The following RIMS2 variants were observed in gnomAD, a reference collection of about 807,000 sequenced individuals.
RIMS2 encodes regulating synaptic membrane exocytosis 2.
RIMS2 carries 59 observed loss-of-function variants against 174.4 expected under a neutral mutation model. The ratio of observed to expected loss-of-function variants is 0.34; its 90% CI spans 0.27 to 0.42. RIMS2 has a LOEUF of 0.42. RIMS2 is among the 10% of genes least tolerant of loss of function. RIMS2 has a pLI of 1.00. For missense variants in RIMS2, 1,620 were observed against 1,666.3 expected (o/e 0.97, Z 0.48); for synonymous variants, 606 against 572.5 (o/e 1.06, Z -0.84).
At chr8:104,232,565 C>T (rs1424947038) in intron 19 of RIMS2, among the ~76,000 whole-genome samples, 1 of 152,096 alleles carries the variant, frequency 6.6e-6, no homozygotes, top group Admixed American at 6.5e-5. Context: ...GAGTGATGCC[C>T]AAAACCATAC....
chr8:103,501,726 A>G (rs1321385806), intron 1 of RIMS2: 1 of 152,358 alleles, frequency 6.6e-6, no homozygotes, highest in African/African-American at 2.4e-5. Context: ...CCTGTTTGCA[A>G]CTAGTAAATC....
At chr8:103,974,134 T>G (rs1172440529) in intron 15 of RIMS2, among the ~76,000 whole-genome samples, 3 of 152,222 alleles carry the variant, frequency 2.0e-5, no homozygotes, top group Non-Finnish European at 2.9e-5. Flanking sequence ...CCTTTTTTCT[T>G]GCCCTATTCT....
chr8:104,096,834 A>G (rs1452528480), intron 19 of RIMS2, among the ~76,000 whole-genome samples: 2 of 151,490 alleles, frequency 1.3e-5, no homozygotes, highest in African/African-American at 4.9e-5. Flanking sequence ...TGCCACTGCA[A>G]TCCAGCCTGG....
intron 1 of RIMS2, among the ~76,000 whole-genome samples, chr8:103,665,655 C>G (rs1300283486): frequency 6.6e-6 from 1 of 152,166 alleles, no homozygotes; most frequent in Admixed American, 6.5e-5. Context: ...TCTTAGTATT[C>G]TACCTCACGC....
At chr8:103,728,714 C>T (rs1193035421) in intron 2 of RIMS2, among the ~76,000 whole-genome samples, 1 of 128,946 alleles carries the variant, frequency 7.8e-6, no homozygotes, top group Non-Finnish European at 1.6e-5. Context: ...TAGGCCTGTC[C>T]CTATGGCTTT....
intron 19 of RIMS2, among the ~76,000 whole-genome samples, chr8:104,225,155 A>T (rs1291680245): frequency 6.6e-6 from 1 of 152,192 alleles, no homozygotes; most frequent in Non-Finnish European, 1.5e-5. Flanking sequence ...TCTACACTTG[A>T]CGTGTATTCT....
rs1373308709 is a variant in RIMS2 at position 103,589,419 on chromosome 8, C to A, written c.176+88357C>A. Among the ~76,000 whole-genome samples, 3 of 151,516 alleles carry A rather than the reference C, an allele frequency of 2.0e-5. No homozygotes were observed. In the East Asian group the frequency reaches 5.8e-4, roughly 29 times the overall value. ...GTTAAAATGGTTTATATCCAAAAGACCAGCAATAAGAAATGCTGACGAGGA... is the reference window on the plus strand; with the variant it reads ...GTTAAAATGGTTTATATCCAAAAGAACAGCAATAAGAAATGCTGACGAGGA... On this transcript the variant is annotated intron_variant, in intron 1 of 23. Coordinates refer to ENST00000504942, the Ensembl canonical transcript of RIMS2.
intron 19 of RIMS2, among the ~76,000 whole-genome samples, chr8:104,243,091 AAAG>A (rs776872678): frequency 2.6e-5 from 4 of 152,168 alleles, no homozygotes; most frequent in Admixed American, 1.3e-4. Context: ...ATTCTGCTGT[AAAG>A]AAGATCTTTC....
At chr8:103,564,075 G>T (rs1392367443) in intron 1 of RIMS2, among the ~76,000 whole-genome samples, 2 of 152,164 alleles carry the variant, frequency 1.3e-5, no homozygotes, top group Non-Finnish European at 2.9e-5. Context: ...AGTCCACATT[G>T]TTGCACTGCA....
chr8:104,161,482 G>A (rs1012272744), intron 19 of RIMS2, among the ~76,000 whole-genome samples: 1 of 152,058 alleles, frequency 6.6e-6, no homozygotes, highest in Admixed American at 6.6e-5. Flanking sequence ...TTGGCAATAG[G>A]GATCTGTTGT....
At chr8:103,619,111 AC>A (rs1182561483) in intron 1 of RIMS2, among the ~76,000 whole-genome samples, 1 of 148,482 alleles carries the variant, frequency 6.7e-6, no homozygotes, top group African/African-American at 2.5e-5. Flanking sequence ...AAAAAAAAAA[AC>A]CAATATGGAA....
chr8:104,136,741 A>G (rs1396718908), intron 19 of RIMS2, among the ~76,000 whole-genome samples: 1 of 152,144 alleles, frequency 6.6e-6, no homozygotes, highest in Non-Finnish European at 1.5e-5. Flanking sequence ...AGTGGGAGTT[A>G]AATGATGAGA....
chr8:103,751,409 G>A (rs1435936295), intron 2 of RIMS2, among the ~76,000 whole-genome samples: 7 of 151,714 alleles, frequency 4.6e-5, no homozygotes, highest in South Asian at 2.1e-4. Flanking sequence ...ATAAACATAC[G>A]TGTGCATGTG....
intron 19 of RIMS2, among the ~76,000 whole-genome samples, chr8:104,119,189 C>A (rs7836136): frequency 0.29 from 40,793 of 139,798 alleles, 5,922 homozygotes; most frequent in African/African-American, 0.41. Flanking sequence ...TACTTAAAAA[C>A]AAAAAAAAAA....
At chr8:103,916,570 AAGTTGAAT>A (rs764795425) in intron 8 of RIMS2, 33 bp downstream of exon 11, 56 of 1,558,076 alleles carry the variant, frequency 3.6e-5, no homozygotes, top group Non-Finnish European at 4.5e-5. Context: ...TATGTGTGTG[AAGTTGAAT>A]AGTGTTAAAC....
In RIMS2 at chr8:103,688,360, T is replaced by C. The variant is rs139400325; in HGVS notation, c.177-8726T>C. Reference sequence around the variant, plus strand: ...GCATCTATTAAAATGATCATACAGTTTGTGTACTTTGTTCTGTTAACGTGG... The same window carrying C: ...GCATCTATTAAAATGATCATACAGTCTGTGTACTTTGTTCTGTTAACGTGG... On this transcript the variant is annotated intron_variant, in intron 1 of 23. Transcript: ENST00000504942. 2.0e-5 allele frequency among the ~76,000 whole-genome samples: 3 copies of C among 152,240 alleles called. No homozygotes were observed. In the East Asian group the frequency reaches 5.8e-4, roughly 29 times the overall value.
intron 2 of RIMS2, among the ~76,000 whole-genome samples, chr8:103,750,204 A>T (rs1316085031): frequency 6.6e-6 from 1 of 152,138 alleles, no homozygotes; most frequent in African/African-American, 2.4e-5. Flanking sequence ...TTCCATTAAA[A>T]ATATAGTAAC....
chr8:103,835,094 TTTTC>T (rs1385605604), intron 3 of RIMS2, among the ~76,000 whole-genome samples: 1 of 145,756 alleles, frequency 6.9e-6, no homozygotes, highest in Non-Finnish European at 1.5e-5. Context: ...TCTTTTTTTC[TTTTC>T]TTTTCTTTTT....
intron 19 of RIMS2, among the ~76,000 whole-genome samples, chr8:104,195,175 C>A (rs1450972563): frequency 6.6e-6 from 1 of 151,878 alleles, no homozygotes; most frequent in Non-Finnish European, 1.5e-5. Flanking sequence ...ATTATGAGGC[C>A]CTGAATTAGG....
Sources: allele counts gnomAD v4.1 joint callset (sites outside exome capture counted in the v4.1 genomes callset), GRCh38; gene constraint gnomAD v4.1.1; transcripts MANE v1.5; gene names NCBI Gene and HGNC (gene_info 2026-07-23, HGNC 2026-07-21).